The following ALK variants were observed in gnomAD, a reference collection of about 807,000 sequenced individuals.
ALK encodes the protein ALK tyrosine kinase receptor.
Under a neutral mutation model 163.1 loss-of-function variants are expected in ALK, and 74 were observed. The ratio of observed to expected loss-of-function variants is 0.45; its 90% CI spans 0.38 to 0.55. ALK has a LOEUF of 0.55. Among genes scored for constraint, ALK ranks in the 20% least tolerant of loss-of-function variants. The pLI is 0.00. For synonymous variants in ALK, 960 were observed against 843.2 expected (o/e 1.14, Z -2.40); for missense variants, 2,063 against 2,105.3 (o/e 0.98, Z 0.39).
In ALK at chr2:29,275,241, G is replaced by A; in HGVS notation, c.1913-14C>T. On this transcript the variant is annotated splice_polypyrimidine_tract_variant and intron_variant, in intron 10 of 28. Coordinates refer to ENST00000389048, the MANE Select transcript of ALK (RefSeq NM_004304.5). ...CCTCTCCGCTAACTGCAATAGAGAA[G>A]ACCCCACGGGCTGAGTTAGGTGAGG... The A allele has an allele frequency of 6.2e-7, 1 of 1,614,074 alleles. No individual in the cohort carries two copies. Among genetic ancestry groups the A allele is most frequent in the East Asian group, 2.2e-5 (1 of 44,880 alleles).
chr2:29,222,704 A>G (rs562058505), intron 20 of ALK, 97 bp from the exon 21 acceptor site: 1 of 1,026,276 alleles, frequency 9.7e-7, no homozygotes, highest in African/African-American at 1.6e-5. Flanking sequence ...TTAGTGGACA[A>G]ACACGAGAGG....
chr2:29,507,865 C>A (rs1170424340), intron 4 of ALK, among the ~76,000 whole-genome samples: 1 of 152,156 alleles, frequency 6.6e-6, no homozygotes, highest in African/African-American at 2.4e-5. Context: ...TTCACCAAAC[C>A]ACCTACTGAT....
At chr2:29,773,760 CT>C (rs1462806285) in intron 1 of ALK, among the ~76,000 whole-genome samples, 1 of 152,058 alleles carries the variant, frequency 6.6e-6, no homozygotes, top group Non-Finnish European at 1.5e-5. Context: ...AAATTCTATT[CT>C]TTTTAAAACG....
intron 1 of ALK, among the ~76,000 whole-genome samples, chr2:29,831,802 A>G (rs1665427613): frequency 6.6e-6 from 1 of 152,190 alleles, no homozygotes; most frequent in Non-Finnish European, 1.5e-5. Flanking sequence ...GGTCATTCAT[A>G]TTTAATAGCA....
At chr2:29,904,323 A>G (rs1044153193) in intron 1 of ALK, among the ~76,000 whole-genome samples, 1 of 152,218 alleles carries the variant, frequency 6.6e-6, no homozygotes, top group Non-Finnish European at 1.5e-5. Flanking sequence ...GTTTTCTGGT[A>G]ACTTTCACTC....
At chr2:29,362,231 T>G (rs1668404586) in intron 5 of ALK, among the ~76,000 whole-genome samples, 1 of 152,186 alleles carries the variant, frequency 6.6e-6, no homozygotes, top group African/African-American at 2.4e-5. Context: ...CGGGAGGTAA[T>G]GGGAAGAAGT....
intron 1 of ALK, among the ~76,000 whole-genome samples, chr2:29,914,285 A>T (rs1221418738): frequency 9.2e-5 from 14 of 152,218 alleles, no homozygotes. Flanking sequence ...CATTTCCCAT[A>T]CATCCCACCT....
chr2:29,551,995 C>A (rs10168186), intron 3 of ALK, among the ~76,000 whole-genome samples: 16 of 152,164 alleles, frequency 1.1e-4, no homozygotes, highest in African/African-American at 3.4e-4. Flanking sequence ...AACCTCTGTA[C>A]TCACTTAACA....
chr2:29,870,646 T>C (rs1466964329), intron 1 of ALK, among the ~76,000 whole-genome samples: 4 of 152,332 alleles, frequency 2.6e-5, no homozygotes, highest in South Asian at 2.1e-4. Context: ...GACTTTTTAA[T>C]GATGTGGAAC....
chr2:29,599,363 A>G (rs1675312598), intron 3 of ALK, among the ~76,000 whole-genome samples: 1 of 152,228 alleles, frequency 6.6e-6, no homozygotes, highest in African/African-American at 2.4e-5. Flanking sequence ...AACTGCCAGG[A>G]GTAGGATGGC....
At chr2:29,688,160 GGGGCTA>G (rs1475072721) in intron 3 of ALK, among the ~76,000 whole-genome samples, 1 of 152,214 alleles carries the variant, frequency 6.6e-6, no homozygotes, top group African/African-American at 2.4e-5. Context: ...AGGGAACACA[GGGGCTA>G]GAGCTGTCCG....
At position 29,559,768 on chromosome 2, in the gene ALK, CGTGTGT is replaced by C. The variant is rs56285031; in HGVS notation, c.953-27658_953-27653del. On this transcript the variant is annotated intron_variant, in intron 3 of 28. Coordinates refer to ENST00000389048, the MANE Select transcript of ALK (RefSeq NM_004304.5). ...TGTGTGGGTCACAGGGGAGCATGTA[CGTGTGT>C]GTGTGTGTGTGTGTGTGTGTGTGTG... Among the ~76,000 whole-genome samples, 1,368 of 143,126 alleles carry C rather than the reference CGTGTGT, an allele frequency of 9.6e-3. 33 individuals carry two copies. Among genetic ancestry groups the C allele is most frequent in the African/African-American group, 0.033 (1,278 of 38,818 alleles). 93.9% of individuals were successfully genotyped at this position (143,126 alleles called of 152,430 possible).
At chr2:29,277,601 C>T (rs1665580402) in intron 9 of ALK, among the ~76,000 whole-genome samples, 1 of 152,234 alleles carries the variant, frequency 6.6e-6, no homozygotes, top group Non-Finnish European at 1.5e-5. Flanking sequence ...TAGCCGTGGC[C>T]AGCATCACTG....
At chr2:29,774,260 A>G (rs1329512822) in intron 1 of ALK, among the ~76,000 whole-genome samples, 1 of 152,174 alleles carries the variant, frequency 6.6e-6, no homozygotes, top group Non-Finnish European at 1.5e-5. Context: ...CAGGAACGTT[A>G]ATCTCTGAGG....
chr2:29,651,571 G>A (rs748050785), intron 3 of ALK, among the ~76,000 whole-genome samples: 5 of 152,260 alleles, frequency 3.3e-5, no homozygotes, highest in Non-Finnish European at 5.9e-5. Context: ...AGATATTTAT[G>A]TTTTTCTTTC....
At chr2:29,798,738 T>G (rs553030427) in intron 1 of ALK, among the ~76,000 whole-genome samples, 1 of 152,262 alleles carries the variant, frequency 6.6e-6, no homozygotes, top group Admixed American at 6.5e-5. Context: ...AAGCCGCACT[T>G]AGGTAAGGAC....
intron 1 of ALK, among the ~76,000 whole-genome samples, chr2:29,815,524 G>A (rs1355681012): frequency 6.6e-6 from 1 of 152,160 alleles, no homozygotes; most frequent in African/African-American, 2.4e-5. Context: ...CCTCTCTGAG[G>A]AAGGAGAAGT....
At chr2:29,243,273 T>C (rs1194954442) in intron 12 of ALK, among the ~76,000 whole-genome samples, 1 of 152,204 alleles carries the variant, frequency 6.6e-6, no homozygotes, top group African/African-American at 2.4e-5. Flanking sequence ...CAAGGTGCTT[T>C]GCTTACCTCT....
intron 1 of ALK, among the ~76,000 whole-genome samples, chr2:29,882,016 T>C (rs2148418977): frequency 6.6e-6 from 1 of 152,218 alleles, no homozygotes; most frequent in South Asian, 2.1e-4. Context: ...AGCAGCTCAG[T>C]GAAGACCCAC....
Sources: allele counts gnomAD v4.1 joint callset (sites outside exome capture counted in the v4.1 genomes callset), GRCh38; gene constraint gnomAD v4.1.1; transcripts MANE v1.5; gene names NCBI Gene and HGNC (gene_info 2026-07-23, HGNC 2026-07-21).